EYS: variants seen among roughly 807,000 people sequenced by gnomAD.
EYS encodes EGF-like photoreceptor maintenance factor.
Under a neutral mutation model 282.1 loss-of-function variants are expected in EYS, and 250 were observed. The observed-to-expected ratio is 0.89, with a 90% confidence interval of 0.80 to 0.98. EYS has a LOEUF of 0.98. Ranked by LOEUF, EYS falls within the 50% of genes least tolerant of loss-of-function variation. The pLI is 0.00. For missense variants in EYS, 4,016 were observed against 3,709.0 expected, an observed-to-expected ratio of 1.08 and a Z score of -2.15; for synonymous variants, 1,355 against 1,282.9, an observed-to-expected ratio of 1.06 and a Z score of -1.20.
At chr6:65,070,418 T>C (rs1773869994) in intron 12 of EYS, among the ~76,000 whole-genome samples, 2 of 151,914 alleles carry the variant, frequency 1.3e-5, no homozygotes, top group South Asian at 4.1e-4. Context: ...GCATCCACAC[T>C]TAGCAGTCAC....
At position 65,295,995 on chromosome 6, in the gene EYS, C is replaced by T. The variant is rs9342464; in HGVS notation, c.1891G>A (p.Gly631Ser). The T allele has an allele frequency of 0.58, 905,245 of 1,550,630 alleles. 271,627 individuals are homozygous for T. Among genetic ancestry groups the T allele is most frequent in the East Asian group, 0.91 (37,105 of 40,870 alleles). ...ATGTTCCTTTCATATCTTTGCAGAC[C>T]GCTACAGTTACAATTGTGCGAAAGG... The part of the protein sequence containing the change: ...LALSHNCNCS[G>S]LQRYERNICE... Residue 631 changes from glycine (G) to serine (S), a missense_variant, in exon 12 of 43, where the codon GGT (glycine) becomes AGT (serine). Transcript: ENST00000503581.
At chr6:65,662,760 AGCATTATCTGGAAT>A (rs1284120334) in intron 1 of EYS, among the ~76,000 whole-genome samples, 2 of 152,176 alleles carry the variant, frequency 1.3e-5, no homozygotes, top group East Asian at 3.9e-4. Flanking sequence ...AATATCTGCT[AGCATTATCTGGAAT>A]GCTAAACAGT....
intron 5 of EYS, among the ~76,000 whole-genome samples, chr6:65,435,217 A>G (rs913406163): frequency 6.6e-6 from 1 of 152,012 alleles, no homozygotes; most frequent in African/African-American, 2.4e-5. Flanking sequence ...ATATAATTAA[A>G]TGTTGACCTT....
intron 26 of EYS, among the ~76,000 whole-genome samples, chr6:64,480,214 T>C (rs553557333): frequency 6.6e-6 from 1 of 152,084 alleles, no homozygotes; most frequent in Non-Finnish European, 1.5e-5. Flanking sequence ...ACATGGAAGC[T>C]GGAAATTTTA....
chr6:64,905,549 T>C (rs1216491413), intron 16 of EYS, among the ~76,000 whole-genome samples: 2 of 152,196 alleles, frequency 1.3e-5, no homozygotes, highest in Non-Finnish European at 2.9e-5. Context: ...GAATGGTCAG[T>C]AAATGATATT....
chr6:64,654,956 C>G (rs1768694697), intron 22 of EYS, among the ~76,000 whole-genome samples: 1 of 152,150 alleles, frequency 6.6e-6, no homozygotes, highest in South Asian at 2.1e-4. Context: ...TGAGCAGCAA[C>G]TTTTTCCTCT....
chr6:64,072,520 A>T (rs1043701601), intron 32 of EYS, among the ~76,000 whole-genome samples: 17 of 151,488 alleles, frequency 1.1e-4, no homozygotes. Flanking sequence ...TCTGGAGTGG[A>T]GGTGAGGTGG....
At chr6:64,329,219 C>A (rs949198786) in intron 29 of EYS, among the ~76,000 whole-genome samples, 1 of 152,054 alleles carries the variant, frequency 6.6e-6, no homozygotes, top group Non-Finnish European at 1.5e-5. Context: ...AAAATTATGT[C>A]AATATAATTG....
intron 33 of EYS, among the ~76,000 whole-genome samples, chr6:64,024,308 A>G (rs912510013): frequency 6.6e-6 from 1 of 151,954 alleles, no homozygotes; most frequent in Admixed American, 6.6e-5. Context: ...AATTGACACT[A>G]TGTATCTAGC....
chr6:64,732,236 C>G (rs1771998802), intron 22 of EYS, among the ~76,000 whole-genome samples: 2 of 138,008 alleles, frequency 1.4e-5, no homozygotes, highest in African/African-American at 5.0e-5. Context: ...GTGCAGCAAA[C>G]CACCGTGGCA....
intron 35 of EYS, among the ~76,000 whole-genome samples, chr6:63,890,918 C>A (rs1231126322): frequency 1.3e-5 from 2 of 152,124 alleles, no homozygotes; most frequent in African/African-American, 4.8e-5. Flanking sequence ...CACCACTGAT[C>A]CCACAGAAAT....
intron 26 of EYS, among the ~76,000 whole-genome samples, chr6:64,507,126 C>T (rs1468683262): frequency 1.3e-5 from 2 of 151,502 alleles, no homozygotes. Context: ...ATCTTGTTAT[C>T]AAAATATATT....
intron 35 of EYS, among the ~76,000 whole-genome samples, chr6:63,931,077 C>T (rs1395974326): frequency 6.6e-6 from 1 of 152,150 alleles, no homozygotes; most frequent in African/African-American, 2.4e-5. Flanking sequence ...GGACAACAGG[C>T]ATAAACTGGG....
intron 33 of EYS, among the ~76,000 whole-genome samples, chr6:64,033,500 C>T (rs74691301): frequency 0.015 from 2,215 of 152,128 alleles, 37 homozygotes; most frequent in African/African-American, 0.043. Flanking sequence ...TTTCTAAGCA[C>T]GCAATAGTAA....
At chr6:65,054,526 T>C (rs1208472904) in intron 13 of EYS, among the ~76,000 whole-genome samples, 2 of 152,002 alleles carry the variant, frequency 1.3e-5, no homozygotes, top group Non-Finnish European at 2.9e-5. Flanking sequence ...CTGTGCCTAG[T>C]AGCAAAAGAA....
intron 12 of EYS, among the ~76,000 whole-genome samples, chr6:65,212,623 C>T (rs1223924182): frequency 6.6e-6 from 1 of 152,028 alleles, no homozygotes; most frequent in East Asian, 1.9e-4. Flanking sequence ...CCAGTGGCTA[C>T]TGAATTATAT....
At chr6:65,098,610 A>G (rs989932298) in intron 12 of EYS, among the ~76,000 whole-genome samples, 1 of 150,820 alleles carries the variant, frequency 6.6e-6, no homozygotes, top group Non-Finnish European at 1.5e-5. Flanking sequence ...AGTTTTGACA[A>G]GTTATGAATA....
At chr6:64,099,310 C>T (rs1003610217) in intron 31 of EYS, among the ~76,000 whole-genome samples, 8 of 152,058 alleles carry the variant, frequency 5.3e-5, no homozygotes, top group African/African-American at 1.9e-4. Context: ...CAATAATAGC[C>T]CCTGTTTCAG....
intron 14 of EYS, among the ~76,000 whole-genome samples, chr6:64,965,374 G>T (rs965373998): frequency 6.6e-6 from 1 of 151,528 alleles, no homozygotes; most frequent in Non-Finnish European, 1.5e-5. Flanking sequence ...AGGCCTTTTT[G>T]TCCAATATAT....
Sources: gnomAD v4.1 joint callset for allele counts (sites outside exome capture counted in the v4.1 genomes callset) on GRCh38, gnomAD v4.1.1 for gene constraint, MANE v1.5 for transcripts, NCBI Gene and HGNC (gene_info 2026-07-23, HGNC 2026-07-21) for gene names.